The following ASIC2 variants were observed in gnomAD, a reference collection of about 807,000 sequenced individuals.
ASIC2 encodes the protein acid sensing ion channel subunit 2, also known as acid-sensing ion channel 2.
In ASIC2, 25 loss-of-function variants were observed where a neutral mutation model predicts 57.3. The ratio of observed to expected loss-of-function variants is 0.44; its 90% confidence interval spans 0.32 to 0.61. The LOEUF (loss-of-function observed/expected upper bound fraction) is 0.61. ASIC2 is among the 20% of genes least tolerant of loss of function. The pLI is 0.06. For missense variants in ASIC2, 641 were observed against 738.1 expected (o/e 0.87, Z 1.52); for synonymous variants, 319 against 307.5 (o/e 1.04, Z -0.39).
At chr17:33,154,280 C>T (rs1445026372) in intron 1 of ASIC2, among the ~76,000 whole-genome samples, 2 of 152,226 alleles carry the variant, frequency 1.3e-5, no homozygotes, top group Admixed American at 1.3e-4. Context: ...AACTCCTGTA[C>T]TCAAGAATCC....
chr17:33,302,771 AG>A (rs990099463), intron 1 of ASIC2, among the ~76,000 whole-genome samples: 34 of 152,304 alleles, frequency 2.2e-4, no homozygotes, highest in Admixed American at 1.8e-3. Context: ...ACAGAAGGGA[AG>A]GGGAAGAGAA....
intron 2 of ASIC2, among the ~76,000 whole-genome samples, chr17:33,110,776 G>A (rs2092254905): frequency 6.6e-6 from 1 of 152,106 alleles, no homozygotes; most frequent in South Asian, 2.1e-4. Flanking sequence ...CAAGGCACAG[G>A]GGTGGCAACA....
intron 1 of ASIC2, among the ~76,000 whole-genome samples, chr17:33,709,938 T>C (rs1020671481): frequency 1.3e-5 from 2 of 152,246 alleles, no homozygotes; most frequent in Non-Finnish European, 2.9e-5. Context: ...ACCCTTATTA[T>C]CACGGCAGTA....
intron 1 of ASIC2, among the ~76,000 whole-genome samples, chr17:33,929,851 T>C (rs1162657752): frequency 6.6e-6 from 1 of 152,200 alleles, no homozygotes; most frequent in Admixed American, 6.5e-5. Context: ...AAATATACGA[T>C]AAAAGGCTTC....
intron 1 of ASIC2, among the ~76,000 whole-genome samples, chr17:33,383,468 C>A (rs555535442): frequency 6.6e-6 from 1 of 152,314 alleles, no homozygotes; most frequent in Non-Finnish European, 1.5e-5. Context: ...AATGGATACG[C>A]AGAAAATTAT....
At chr17:33,493,014 A>C (rs1292980148) in intron 1 of ASIC2, among the ~76,000 whole-genome samples, 1 of 152,232 alleles carries the variant, frequency 6.6e-6, no homozygotes, top group Admixed American at 6.5e-5. Context: ...TAGTCAGTCA[A>C]GTTTTCCAAA....
chr17:33,219,852 G>A (rs1396278830), intron 1 of ASIC2, among the ~76,000 whole-genome samples: 4 of 152,160 alleles, frequency 2.6e-5, no homozygotes, highest in Admixed American at 6.5e-5. Context: ...GATCATGCAA[G>A]CCATTTGTTC....
intron 1 of ASIC2, among the ~76,000 whole-genome samples, chr17:34,019,931 A>T (rs1907097215): frequency 6.6e-6 from 1 of 152,062 alleles, no homozygotes; most frequent in Admixed American, 6.5e-5. Context: ...TTCATCTCAG[A>T]CTTCTTTATG....
Position 33,672,196 on chromosome 17 carries a change from A to G in ASIC2, c.555+483782T>C, listed in dbSNP as rs371963261. On this transcript the variant is annotated intron_variant, in intron 1 of 9. Coordinates refer to the ASIC2 transcript ENST00000359872. ...CATTAATGCTGGCTGCCACTGGGACAATTACAGACAGACAGCTTTTCCCAT... is the reference window on the plus strand; with the variant it reads ...CATTAATGCTGGCTGCCACTGGGACGATTACAGACAGACAGCTTTTCCCAT... Among the ~76,000 whole-genome samples the G allele has an allele frequency of 1.1e-4, 16 of 152,320 alleles. No homozygotes were observed. The East Asian group carries it at 2.1e-3, about 20-fold the overall frequency.
At chr17:33,325,497 G>A (rs949519269) in intron 1 of ASIC2, among the ~76,000 whole-genome samples, 1 of 152,156 alleles carries the variant, frequency 6.6e-6, no homozygotes, top group Non-Finnish European at 1.5e-5. Flanking sequence ...CTGGCTGAAG[G>A]GTGGTGCATG....
chr17:33,060,232 T>G (rs2092015327), intron 3 of ASIC2, among the ~76,000 whole-genome samples: 1 of 152,230 alleles, frequency 6.6e-6, no homozygotes, highest in South Asian at 2.1e-4. Context: ...ATGACGTCCT[T>G]GCCCATGCCT....
intron 1 of ASIC2, among the ~76,000 whole-genome samples, chr17:33,442,445 G>A (rs1911858922): frequency 6.6e-6 from 1 of 152,060 alleles, no homozygotes; most frequent in South Asian, 2.1e-4. Flanking sequence ...TCTCAGCAAT[G>A]TTTTATAGTT....
intron 1 of ASIC2, among the ~76,000 whole-genome samples, chr17:33,893,336 G>C (rs1873470): frequency 0.16 from 24,061 of 152,102 alleles, 1,950 homozygotes; most frequent in African/African-American, 0.2. Flanking sequence ...CACACTTTGG[G>C]CCCTGAGCCT....
At chr17:33,335,753 T>C (rs1190555632) in intron 1 of ASIC2, among the ~76,000 whole-genome samples, 1 of 152,202 alleles carries the variant, frequency 6.6e-6, no homozygotes, top group Non-Finnish European at 1.5e-5. Context: ...CGTGAGGATG[T>C]CCGAGGTCAG....
At chr17:33,034,182 C>T (rs2091898725) in intron 3 of ASIC2, among the ~76,000 whole-genome samples, 1 of 152,188 alleles carries the variant, frequency 6.6e-6, no homozygotes, top group African/African-American at 2.4e-5. Context: ...TCCTTCTCCT[C>T]CTTCTTCTTT....
At chr17:33,651,383 C>T (rs371587426) in intron 1 of ASIC2, among the ~76,000 whole-genome samples, 2 of 151,990 alleles carry the variant, frequency 1.3e-5, no homozygotes, top group South Asian at 2.1e-4. Context: ...TAAAAAGAAC[C>T]GAGAACAAAA....
In ASIC2 at chr17:33,903,992, C is replaced by T. The variant is rs576102007; in HGVS notation, c.555+251986G>A. 7.3e-5 allele frequency among the ~76,000 whole-genome samples: 11 copies of T among 151,694 alleles called. No individual in the cohort carries two copies. In the South Asian group the frequency reaches 8.4e-4, roughly 12 times the overall value. On this transcript the variant is annotated intron_variant, in intron 1 of 9. Coordinates refer to the ASIC2 transcript ENST00000359872. ...CAGCCTGACCAACATGGAGAAACCC[C>T]GTCTCTACTAAAAATACAAAATTAG...
At chr17:33,821,275 T>C (rs548808046) in intron 1 of ASIC2, among the ~76,000 whole-genome samples, 22 of 152,334 alleles carry the variant, frequency 1.4e-4, no homozygotes, top group Non-Finnish European at 2.4e-4. Flanking sequence ...CTAGCTTGGT[T>C]AGTTTACTGA....
intron 1 of ASIC2, among the ~76,000 whole-genome samples, chr17:34,045,425 C>G (rs1438797881): frequency 6.6e-6 from 1 of 152,210 alleles, no homozygotes; most frequent in Non-Finnish European, 1.5e-5. Flanking sequence ...AGCCCCTAAT[C>G]TCTCTTCTAC....
Sources: allele counts gnomAD v4.1 joint callset (sites outside exome capture counted in the v4.1 genomes callset), GRCh38; gene constraint gnomAD v4.1.1; transcripts MANE v1.5; gene names NCBI Gene and HGNC (gene_info 2026-07-23, HGNC 2026-07-21).